Variants in CNOT3 observed in about 807,000 individuals in gnomAD.
CNOT3 encodes CCR4-associated factor 3.
Under a neutral mutation model 89.4 loss-of-function variants are expected in CNOT3, and 2 were observed. The ratio of observed to expected loss-of-function variants is 0.02; its 90% CI spans 0.01 to 0.07. The LOEUF (loss-of-function observed/expected upper bound fraction) is 0.07. CNOT3 is among the 10% of genes least tolerant of loss of function. CNOT3 has a pLI of 1.00. For synonymous variants in CNOT3, 486 were observed against 402.0 expected (o/e 1.21, Z -2.50); for missense variants, 664 against 1,010.2 (o/e 0.66, Z 4.65).
At chr19:54,142,899 T>C in intron 1 of CNOT3, 30 bp from the exon 2 acceptor site, 1 of 1,424,134 alleles carries the variant, frequency 7.0e-7, no homozygotes, top group Non-Finnish European at 9.9e-7. Context: ...AGGGAATACG[T>C]GTTAATTCCT....
intron 10 of CNOT3, 41 bp downstream of exon 10, chr19:54,146,698 C>T: frequency 8.9e-7 from 1 of 1,117,614 alleles, no homozygotes; most frequent in Non-Finnish European, 1.4e-6. Context: ...CCATTCACTC[C>T]TCTGTTGCTT....
Position 54,145,581 on chromosome 19 carries a change from C to T in CNOT3, c.484-17C>T. ...GTGCTCTGCAGCCCCTGAGCCTGGC[C>T]CTGGGCTCGCCAGCAGAAGCAGGAC... is the stretch of plus-strand genomic sequence containing the variant. On this transcript the variant is annotated splice_polypyrimidine_tract_variant and intron_variant, in intron 7 of 17. Transcript: ENST00000221232. The surrounding 1 kb of genome is among the most constrained non-coding windows in gnomAD (Gnocchi z 5.9). 6.2e-7 allele frequency: 1 copy of T among 1,601,928 alleles called. No homozygotes were observed. Among genetic ancestry groups the T allele is most frequent in the South Asian group, 1.1e-5 (1 of 90,656 alleles).
chr19:54,153,299 A>G, intron 16 of CNOT3: 1 of 761,434 alleles, frequency 1.3e-6, no homozygotes, highest in Non-Finnish European at 2.4e-6. Flanking sequence ...CTGCTCCAGC[A>G]GCCCCAGTCT....
chr19:54,148,615 C>T lies in CNOT3; in HGVS notation c.1283-5C>T, dbSNP rs769966922. The stretch of plus-strand genomic sequence containing the variant: ...CAGCCCTTTCCATTTACTCTTTGTT[C>T]CCAGGTTACAGCTCAGTTGTGGCAG... On this transcript the variant is annotated splice_polypyrimidine_tract_variant and splice_region_variant and intron_variant, in intron 11 of 17. Coordinates refer to ENST00000221232, the MANE Select transcript of CNOT3 (RefSeq NM_014516.4). The surrounding 1 kb of genome is among the most constrained non-coding windows in gnomAD (Gnocchi z 6.3). 8 of 1,609,238 alleles carry T rather than the reference C, an allele frequency of 5.0e-6. No homozygotes were observed. Among genetic ancestry groups the T allele is most frequent in the Non-Finnish European group, 5.9e-6 (7 of 1,177,844 alleles).
At chr19:54,151,712 AC>A (rs1275232677) in intron 13 of CNOT3, among the ~76,000 whole-genome samples, 1 of 152,046 alleles carries the variant, frequency 6.6e-6, no homozygotes, top group African/African-American at 2.4e-5. Context: ...GACCCAACCT[AC>A]CTGTTTCCAG....
chr19:54,154,105 C>G (rs1396312324), intron 17 of CNOT3: 1 of 675,222 alleles, frequency 1.5e-6, no homozygotes, highest in Admixed American at 2.1e-5. Context: ...CCACCCAGCC[C>G]AGTGCCTCCC....
At position 54,148,873 on chromosome 19, in the gene CNOT3, C is replaced by G. The variant is rs1434694067; in HGVS notation, c.1406+130C>G. 5.4e-6 allele frequency: 4 copies of G among 742,902 alleles called. No individual in the cohort carries two copies. The highest frequency in any genetic ancestry group is 1.8e-5 in the African/African-American group (1 of 56,234). 46.0% of individuals were successfully genotyped at this position (742,902 alleles called of 1,614,324 possible). A position where few individuals can be genotyped will look rare whatever the true frequency, so the allele number is the denominator to read the frequency against. On this transcript the variant is annotated intron_variant, in intron 12 of 17. Transcript: ENST00000221232. This position sits in a 1 kb window ranked among gnomAD's most constrained non-coding sequence, Gnocchi z 6.3. ...CTGCTGGGAATGGCCAAGCGCTATC[C>G]TCCATCTCCCTCGGGTGTTACACCC...
chr19:54,145,251 G>C lies in CNOT3; in HGVS notation c.484-347G>C, dbSNP rs1201463693. On this transcript the variant is annotated intron_variant, in intron 7 of 17. Coordinates refer to ENST00000221232, the MANE Select transcript of CNOT3 (RefSeq NM_014516.4). The surrounding 1 kb of genome is among the most constrained non-coding windows in gnomAD (Gnocchi z 5.9). ...GTATGCCAGAGGCAGTCACAGTGGT[G>C]GGCGGGCTCAGTTGAGAAATCTGGG... Among the ~76,000 whole-genome samples, 1 of 152,146 alleles carries C rather than the reference G, an allele frequency of 6.6e-6. No homozygotes were observed. The highest frequency in any genetic ancestry group is 1.5e-5 in the Non-Finnish European group (1 of 68,016).
rs759140502 is a variant in CNOT3, at chr19:54,148,691, A to C, written c.1354A>C (p.Ser452Arg). 1 of 1,611,984 alleles carries C rather than the reference A, an allele frequency of 6.2e-7. No individual in the cohort carries two copies. Among genetic ancestry groups the C allele is most frequent in the South Asian group, 1.1e-5 (1 of 90,662 alleles). Reference protein sequence around the residue: ...LSSSGGNNASSQALGPPSGPH... With the variant: ...LSSSGGNNASRQALGPPSGPH... ...CAGCAGTGGGGGCAACAATGCCAGCAGCCAGGCCTTGGGCCCCCCTTCCGG... is the reference window on the plus strand; with the variant it reads ...CAGCAGTGGGGGCAACAATGCCAGCCGCCAGGCCTTGGGCCCCCCTTCCGG... Residue 452 changes from serine to arginine, a missense_variant, in exon 12 of 18, where the codon AGC (serine) becomes CGC (arginine). This residue lies in a region of CNOT3 where 545 missense variants were observed against 566.2 expected (regional missense o/e 0.96). Transcript: ENST00000221232. This position sits in a 1 kb window ranked among gnomAD's most constrained non-coding sequence, Gnocchi z 6.3.
chr19:54,146,163 TC>T, intron 9 of CNOT3, 120 bp downstream of exon 9: 2 of 1,097,654 alleles, frequency 1.8e-6, no homozygotes, highest in Non-Finnish European at 2.6e-6. Context: ...GATCTAGGTA[TC>T]CAGGGTCTAG....
chr19:54,139,210 C>T (rs187701033), intron 1 of CNOT3, among the ~76,000 whole-genome samples: 1 of 152,274 alleles, frequency 6.6e-6, no homozygotes, highest in East Asian at 1.9e-4. Flanking sequence ...GATGTCTCCC[C>T]TCCCTCCCTT....
Position 54,148,796 on chromosome 19 carries a change from A to C in CNOT3, c.1406+53A>C. ...GGGATGGCAGCCTTTTGAAACAGAG[A>C]GGCGCAGGCGCCTCACCCCCGCATC... On this transcript the variant is annotated intron_variant, in intron 12 of 17. Transcript: ENST00000221232. The surrounding 1 kb of genome is among the most constrained non-coding windows in gnomAD (Gnocchi z 6.3). The C allele has an allele frequency of 6.4e-7, 1 of 1,572,542 alleles. No individual in the cohort carries two copies. Among genetic ancestry groups the C allele is most frequent in the South Asian group, 1.2e-5 (1 of 86,160 alleles).
intron 17 of CNOT3, 197 bp from the exon 18 acceptor site, chr19:54,155,112 C>G: frequency 1.6e-6 from 1 of 626,396 alleles, no homozygotes; most frequent in Non-Finnish European, 2.7e-6. Flanking sequence ...CCGTTTCCTC[C>G]TCGCTGAAGT....
intron 16 of CNOT3, 63 bp downstream of exon 16, chr19:54,153,062 C>A (rs767422868): frequency 1.3e-6 from 2 of 1,544,104 alleles, no homozygotes; most frequent in East Asian, 2.2e-5. Context: ...CCGCCGTCCC[C>A]CCTCGGGCTG....
intron 1 of CNOT3, among the ~76,000 whole-genome samples, chr19:54,140,006 C>T (rs746428460): frequency 9.2e-5 from 14 of 152,132 alleles, no homozygotes; most frequent in Middle Eastern, 3.2e-3. Flanking sequence ...GCTGCAGAGG[C>T]GGAAGCTCTC....
intron 12 of CNOT3, among the ~76,000 whole-genome samples, chr19:54,149,271 A>G (rs1444703682): frequency 3.3e-5 from 5 of 152,096 alleles, no homozygotes; most frequent in Non-Finnish European, 7.4e-5. Flanking sequence ...CCCTGTGAAC[A>G]CCTGCCCAGG....
chr19:54,155,436 T>TC lies in CNOT3; in HGVS notation c.*34dup. On this transcript the variant is annotated 3_prime_UTR_variant, in exon 18 of 18. Transcript: ENST00000221232. ...CGGCCCCTCCCTCTACCCACCCCCTTCCCCCGCATGCTGATCCCCCTGCCC... is the reference window on the plus strand; with the variant it reads ...CGGCCCCTCCCTCTACCCACCCCCTTCCCCCCGCATGCTGATCCCCCTGCCC... 1.4e-6 allele frequency: 2 copies of TC among 1,437,664 alleles called. No homozygotes were observed. The highest frequency in any genetic ancestry group is 1.9e-4 in the Middle Eastern group (1 of 5,182). The allele number at this position is 1,437,664 out of a possible 1,614,324, so 89.1% of individuals were successfully genotyped here.
rs1260785483 is a variant in CNOT3, at chr19:54,137,939, C to T, written c.-105C>T. On this transcript the variant is annotated 5_prime_UTR_variant, in exon 1 of 18. Coordinates refer to ENST00000221232, the MANE Select transcript of CNOT3 (RefSeq NM_014516.4). The stretch of plus-strand genomic sequence containing the variant: ...GGGCGCGAGAAAAAGGCGGCGGGCG[C>T]TCGCCTCCCCCGCCTGTCGCGATAC... 1.3e-5 allele frequency: 2 copies of T among 152,102 alleles called. No homozygotes were observed. Among genetic ancestry groups the T allele is most frequent in the African/African-American group, 4.8e-5 (2 of 41,438 alleles). The allele number at this position is 152,102 out of a possible 1,614,324, so 9.4% of individuals were successfully genotyped here.
intron 15 of CNOT3, 82 bp from the exon 16 acceptor site, chr19:54,152,785 G>T (rs781444723): frequency 9.5e-6 from 8 of 844,762 alleles, no homozygotes; most frequent in Admixed American, 1.9e-5. Context: ...ACCTCCCCCC[G>T]CAGGGATGCA....
Sources: allele counts gnomAD v4.1 joint callset (sites outside exome capture counted in the v4.1 genomes callset), GRCh38; gene constraint gnomAD v4.1.1; regional missense constraint gnomAD v4.1.1; non-coding constraint Gnocchi (gnomAD v3.1); transcripts MANE v1.5; gene names NCBI Gene and HGNC (gene_info 2026-07-23, HGNC 2026-07-21).